Variants in FABP6 observed in about 807,000 individuals in gnomAD.
The protein encoded by FABP6 is gastrotropin.
A neutral mutation model predicts 14.9 loss-of-function variants in FABP6; 13 were observed. The ratio of observed to expected loss-of-function variants is 0.87; its 90% CI spans 0.57 to 1.39. FABP6 has a LOEUF of 1.39. FABP6 is among the 40% of genes most tolerant of loss of function. The probability of loss-of-function intolerance (pLI) is 0.00; values close to 1 mark genes in which losing one functional copy is unlikely to be tolerated. For synonymous variants in FABP6, 75 were observed against 63.6 expected (o/e 1.18, Z -0.85); for missense variants, 161 against 167.2 (o/e 0.96, Z 0.20).
chr5:160,223,973 G>T (rs1314324406), intron 3 of FABP6, among the ~76,000 whole-genome samples: 1 of 149,310 alleles, frequency 6.7e-6, no homozygotes, highest in East Asian at 2.0e-4. Flanking sequence ...GCAGTGGCTC[G>T]CGCCTGTAAT....
In FABP6 at chr5:160,193,951, C is replaced by T. The variant is rs545458559; in HGVS notation, c.-58-5098C>T. Among the ~76,000 whole-genome samples, 1,295 of 152,336 alleles carry T rather than the reference C, an allele frequency of 8.5e-3. 4 individuals carry two copies. The highest frequency in any genetic ancestry group is 0.014 in the Middle Eastern group (4 of 292). The stretch of plus-strand genomic sequence containing the variant: ...CTGGGCGCCGTGGGGCAGGGGGCGG[C>T]GCTCGTCGGGGAGGCTCGGGCTGCA... On this transcript the variant is annotated intron_variant, in intron 1 of 6. Transcript: ENST00000393980.
intron 2 of FABP6, among the ~76,000 whole-genome samples, chr5:160,199,476 C>A (rs989753996): frequency 6.6e-6 from 1 of 152,162 alleles, no homozygotes; most frequent in African/African-American, 2.4e-5. Flanking sequence ...CTCACCCCCT[C>A]CTGCGCCACC....
At chr5:160,216,691 T>C (rs1760019484) in intron 3 of FABP6, among the ~76,000 whole-genome samples, 1 of 152,208 alleles carries the variant, frequency 6.6e-6, no homozygotes, top group African/African-American at 2.4e-5. Context: ...ACTTAATCAA[T>C]GACTGGTTGT....
upstream of FABP6, chr5:160,228,542 T>C (rs1431324801): frequency 4.4e-6 from 2 of 456,106 alleles, no homozygotes; most frequent in African/African-American, 4.0e-5. Context: ...TGTGAAGTGG[T>C]ACTGAGAGAC....
upstream of FABP6, among the ~76,000 whole-genome samples, chr5:160,229,232 T>C (rs557609448): frequency 1.4e-4 from 22 of 152,070 alleles, no homozygotes; most frequent in Non-Finnish European, 2.6e-4. Flanking sequence ...GGTGAGAGCA[T>C]GGGTTGAGGG....
chr5:160,234,981 T>C (rs1262857053), intron 3 of FABP6, 72 bp downstream of exon 3: 28 of 1,381,102 alleles, frequency 2.0e-5, no homozygotes, highest in Non-Finnish European at 2.7e-5. Context: ...CCCTCAGAAG[T>C]AGGCCTCTAC....
At chr5:160,192,765 G>A (rs1391411770) in intron 1 of FABP6, among the ~76,000 whole-genome samples, 5 of 152,258 alleles carry the variant, frequency 3.3e-5, no homozygotes, top group Non-Finnish European at 7.3e-5. Context: ...CTGAAAGGCC[G>A]TCTGGGGTCA....
chr5:160,236,544 A>G (rs1304374190), intron 3 of FABP6, among the ~76,000 whole-genome samples: 1 of 152,200 alleles, frequency 6.6e-6, no homozygotes, highest in Non-Finnish European at 1.5e-5. Context: ...AGAGACAGCA[A>G]GGGACTTGGC....
chr5:160,216,128 C>T (rs567673888), intron 3 of FABP6, among the ~76,000 whole-genome samples: 5 of 152,200 alleles, frequency 3.3e-5, no homozygotes, highest in African/African-American at 9.6e-5. Context: ...TGATGAGCTG[C>T]GAAGCTGGAA....
At chr5:160,234,795 G>C in intron 2 of FABP6, 25 bp from the exon 3 acceptor site, 2 of 1,582,730 alleles carry the variant, frequency 1.3e-6, no homozygotes, top group South Asian at 2.3e-5. Context: ...AACAACCCAG[G>C]CTTAATGTTG....
intron 3 of FABP6, among the ~76,000 whole-genome samples, chr5:160,214,103 C>CT (rs1178063866): frequency 8.3e-6 from 1 of 120,936 alleles, no homozygotes; most frequent in South Asian, 2.8e-4. Context: ...TTCTTTCTTT[C>CT]TTTCTTTCTT....
upstream of FABP6, among the ~76,000 whole-genome samples, chr5:160,225,277 A>C (rs1225691795): frequency 7.3e-6 from 1 of 136,350 alleles, no homozygotes; most frequent in African/African-American, 2.8e-5. Flanking sequence ...TTGTATTTTT[A>C]CTAGAGATGG....
intron 2 of FABP6, among the ~76,000 whole-genome samples, chr5:160,212,658 A>C (rs764608757): frequency 6.6e-6 from 1 of 151,964 alleles, no homozygotes; most frequent in African/African-American, 2.4e-5. Context: ...TTTAGTAGAG[A>C]CAGGGTTTCA....
chr5:160,230,397 G>A (rs7734693), intron 1 of FABP6, among the ~76,000 whole-genome samples: 99,890 of 151,688 alleles, frequency 0.66, 33,020 homozygotes, highest in African/African-American at 0.69. Flanking sequence ...GTCTTGCTCT[G>A]TCTCCCAGGC....
chr5:160,194,218 C>T (rs1159757899), intron 1 of FABP6, among the ~76,000 whole-genome samples: 1 of 152,252 alleles, frequency 6.6e-6, no homozygotes, highest in Non-Finnish European at 1.5e-5. Context: ...CCACGCCCAC[C>T]GGCAACTCCA....
chr5:160,221,926 A>G (rs1195999513), intron 3 of FABP6, among the ~76,000 whole-genome samples: 1 of 152,204 alleles, frequency 6.6e-6, no homozygotes, highest in Non-Finnish European at 1.5e-5. Flanking sequence ...GGCTCTGGAA[A>G]ATGAGATGTA....
chr5:160,208,797 T>C (rs890313772), intron 2 of FABP6, among the ~76,000 whole-genome samples: 20 of 141,254 alleles, frequency 1.4e-4, no homozygotes, highest in Non-Finnish European at 2.8e-4. Context: ...TTTTTTTTTG[T>C]AGGGAGTCTC....
intron 3 of FABP6, among the ~76,000 whole-genome samples, chr5:160,221,426 G>A (rs1760126064): frequency 6.6e-6 from 1 of 152,170 alleles, no homozygotes; most frequent in African/African-American, 2.4e-5. Context: ...GGCAGGCCAA[G>A]GCAGGAAGGA....
chr5:160,236,704 G>A (rs1272120159), intron 3 of FABP6, among the ~76,000 whole-genome samples: 3 of 151,994 alleles, frequency 2.0e-5, no homozygotes, highest in East Asian at 1.9e-4. Flanking sequence ...GGGTGTGGTG[G>A]CTCAAGCTTC....
Sources: allele counts gnomAD v4.1 joint callset (sites outside exome capture counted in the v4.1 genomes callset), GRCh38; gene constraint gnomAD v4.1.1; transcripts MANE v1.5; gene names NCBI Gene and HGNC (gene_info 2026-07-23, HGNC 2026-07-21).